The following KIF7 variants were observed in gnomAD, a reference collection of about 807,000 sequenced individuals.
The protein encoded by KIF7 is kinesin-like protein KIF7.
In KIF7, 104 loss-of-function variants were observed where a neutral mutation model predicts 135.7. The ratio of observed to expected loss-of-function variants is 0.77; its 90% CI spans 0.65 to 0.90. KIF7 has a LOEUF of 0.90. KIF7 is among the 40% of genes least tolerant of loss of function. KIF7 has a pLI of 0.00. For missense variants in KIF7, 2,005 were observed against 1,839.1 expected (o/e 1.09, Z -1.65); for synonymous variants, 883 against 809.4 (o/e 1.09, Z -1.54).
rs377724693 is a variant in KIF7, at chr15:89,638,996, C to A, written c.2394+3207G>T. Among the ~76,000 whole-genome samples the A allele has an allele frequency of 2.9e-4, 44 of 152,154 alleles. No individual in the cohort carries two copies. In the East Asian group the frequency reaches 7.3e-3, roughly 25 times the overall value. On this transcript the variant is annotated intron_variant, in intron 11 of 18. Coordinates refer to ENST00000394412, the MANE Select transcript of KIF7 (RefSeq NM_198525.3). The stretch of plus-strand genomic sequence containing the variant: ...AGCCCTCAGAAATAACGCCGCATAT[C>A]TACAACTATCTGATCTTTGACAAAC...
intron 4 of KIF7, 41 bp from the exon 5 acceptor site, chr15:89,648,815 C>A: frequency 6.6e-7 from 1 of 1,509,386 alleles, no homozygotes; most frequent in East Asian, 2.5e-5. Context: ...CCCCGACGCT[C>A]CAGGCCCAGG....
chr15:89,633,022 G>A (rs896366613), intron 13 of KIF7, 26 bp from the exon 14 acceptor site: 2 of 1,591,946 alleles, frequency 1.3e-6, no homozygotes, highest in Non-Finnish European at 1.7e-6. Context: ...GAGGGAGGGA[G>A]GGAACTCAGG....
chr15:89,652,579 A>G (rs1451119386), intron 2 of KIF7, 24 bp downstream of exon 2: 3 of 1,478,414 alleles, frequency 2.0e-6, no homozygotes, highest in Non-Finnish European at 9.1e-7. Flanking sequence ...AAGTGGGCAC[A>G]GGGCCACGAA....
intron 11 of KIF7, among the ~76,000 whole-genome samples, chr15:89,635,304 G>A (rs962540261): frequency 3.3e-5 from 5 of 152,244 alleles, no homozygotes; most frequent in African/African-American, 9.6e-5. Flanking sequence ...TTCCTCACCA[G>A]CAACGGAACA....
At chr15:89,619,097 C>T (rs1169231455) in intron 1 of KIF7, among the ~76,000 whole-genome samples, 2 of 152,142 alleles carry the variant, frequency 1.3e-5, no homozygotes, top group Admixed American at 6.5e-5. Context: ...TTGGTAATTC[C>T]ACAACTCAGA....
At chr15:89,659,315 T>A (rs1298897356), upstream of KIF7, among the ~76,000 whole-genome samples, 1 of 151,968 alleles carries the variant, frequency 6.6e-6, no homozygotes, top group Non-Finnish European at 1.5e-5. Context: ...GGAGGATCGC[T>A]TGAGCCCAAG....
At chr15:89,624,441 C>G (rs1179075386), downstream of KIF7, 5 of 1,614,088 alleles carry the variant, frequency 3.1e-6, no homozygotes, top group African/African-American at 4.0e-5. Flanking sequence ...CTCCTCCACC[C>G]CCTTCTAAAG....
At chr15:89,626,175 G>A (rs1963522110), downstream of KIF7, 1 of 1,258,244 alleles carries the variant, frequency 7.9e-7, no homozygotes, top group South Asian at 1.5e-5. Flanking sequence ...GTGTGGGATA[G>A]GTGACTTCGC....
At chr15:89,621,364 T>G (rs767709627) in intron 1 of KIF7, 1 of 1,584,622 alleles carries the variant, frequency 6.3e-7, no homozygotes, top group Non-Finnish European at 8.6e-7. Flanking sequence ...GAGAAAGAAT[T>G]AAATATTGTT....
chr15:89,637,636 T>G (rs1963836193), intron 11 of KIF7, among the ~76,000 whole-genome samples: 1 of 148,446 alleles, frequency 6.7e-6, no homozygotes, highest in Non-Finnish European at 1.5e-5. Context: ...GTTGAATCTC[T>G]GAATAGACCA....
intron 11 of KIF7, among the ~76,000 whole-genome samples, chr15:89,640,824 T>TA (rs10716351): frequency 9.1e-4 from 122 of 134,604 alleles, no homozygotes; most frequent in African/African-American, 2.7e-3. Context: ...TGTCTCTACT[T>TA]AAAAAAAAAA....
At chr15:89,651,207 C>G (rs774203459) in intron 2 of KIF7, among the ~76,000 whole-genome samples, 4 of 152,152 alleles carry the variant, frequency 2.6e-5, no homozygotes, top group Non-Finnish European at 5.9e-5. Flanking sequence ...TCAAGCGATT[C>G]CCCTGCCTCA....
At chr15:89,625,887 C>T (rs1272088210), downstream of KIF7, 3 of 1,542,832 alleles carry the variant, frequency 1.9e-6, no homozygotes, top group East Asian at 4.5e-5. Context: ...CCTGGGCTTC[C>T]CGGTTGGGGG....
chr15:89,622,050 G>A (rs1334278510), intron 1 of KIF7, among the ~76,000 whole-genome samples: 2 of 138,756 alleles, frequency 1.4e-5, no homozygotes, highest in Non-Finnish European at 3.0e-5. Flanking sequence ...GCAGTGGCAC[G>A]ATCTCAGCTC....
At chr15:89,621,353 T>G in intron 1 of KIF7, 4 of 1,575,892 alleles carry the variant, frequency 2.5e-6, no homozygotes, top group Non-Finnish European at 3.4e-6. Context: ...GAACAGGAAT[T>G]GAGAAAGAAT....
At chr15:89,651,341 G>A (rs141335027) in intron 2 of KIF7, among the ~76,000 whole-genome samples, 1,534 of 151,888 alleles carry the variant, frequency 0.01, 32 homozygotes, top group African/African-American at 0.036. Context: ...CTCATGATCT[G>A]CCCACCTCGG....
intron 15 of KIF7, chr15:89,631,147 G>C (rs769936660): frequency 4.8e-5 from 15 of 309,624 alleles, no homozygotes; most frequent in Admixed American, 1.8e-4. Context: ...AGGGAACACA[G>C]ATGTGTGGGC....
At chr15:89,636,916 C>T (rs1381306452) in intron 11 of KIF7, among the ~76,000 whole-genome samples, 2 of 142,636 alleles carry the variant, frequency 1.4e-5, no homozygotes, top group South Asian at 2.4e-4. Context: ...CAAAATTGAC[C>T]ACATACTTGG....
chr15:89,623,942 C>G (rs1464822380), downstream of KIF7: 5 of 1,613,972 alleles, frequency 3.1e-6, no homozygotes, highest in Admixed American at 8.3e-5. Flanking sequence ...CCAAACTGTA[C>G]TTGGCCACAT....
Sources: allele counts gnomAD v4.1 joint callset (sites outside exome capture counted in the v4.1 genomes callset), GRCh38; gene constraint gnomAD v4.1.1; transcripts MANE v1.5; gene names NCBI Gene and HGNC (gene_info 2026-07-23, HGNC 2026-07-21).